PRMT9: variants seen among roughly 807,000 people sequenced by gnomAD.
PRMT9 encodes protein arginine methyltransferase 9.
Under a neutral mutation model 83.2 loss-of-function variants are expected in PRMT9, and 59 were observed. That is an observed-to-expected ratio of 0.71 (90% CI 0.57 to 0.88). The LOEUF is 0.88. PRMT9 is among the 40% of genes least tolerant of loss of function. The pLI, the probability that PRMT9 is intolerant of heterozygous loss-of-function variation, is 0.00. For synonymous variants in PRMT9, 333 were observed against 353.2 expected (o/e 0.94, Z 0.64); for missense variants, 947 against 1,021.9 (o/e 0.93, Z 1.00).
intron 2 of PRMT9, among the ~76,000 whole-genome samples, chr4:147,678,510 T>G (rs1736247843): frequency 6.6e-6 from 1 of 152,246 alleles, no homozygotes; most frequent in Admixed American, 6.5e-5. Context: ...CAGGCCTGAC[T>G]GCCATCCTTT....
intron 9 of PRMT9, among the ~76,000 whole-genome samples, chr4:147,645,996 T>C (rs1733705005): frequency 6.6e-6 from 1 of 152,236 alleles, no homozygotes; most frequent in Non-Finnish European, 1.5e-5. Context: ...TCATTGTTGC[T>C]ATTCCTTTCC....
intron 10 of PRMT9, among the ~76,000 whole-genome samples, chr4:147,641,740 C>G (rs1225886969): frequency 2.6e-5 from 4 of 152,180 alleles, no homozygotes; most frequent in Admixed American, 2.6e-4. Context: ...CAGCTTACCG[C>G]AACCTCCACC....
chr4:147,672,056 G>GT (rs1175110379), intron 4 of PRMT9: 2 of 349,514 alleles, frequency 5.7e-6, no homozygotes, highest in East Asian at 1.6e-4. Context: ...CCAGTCTGTG[G>GT]TATTTCGTTA....
Position 147,676,756 on chromosome 4 carries a change from T to C in PRMT9, c.339-2882A>G, listed in dbSNP as rs1234489727. ...GAACTTTTCATTGAATAAAACTTAA[T>C]ACAACTTGGCTGCACGTCATAGCTC... is the stretch of plus-strand genomic sequence containing the variant. On this transcript the variant is annotated intron_variant, in intron 2 of 11. Coordinates refer to ENST00000322396, the MANE Select transcript of PRMT9 (RefSeq NM_138364.4). Among the ~76,000 whole-genome samples, 4 of 152,174 alleles carry C rather than the reference T, an allele frequency of 2.6e-5. No homozygotes were observed. The East Asian group carries it at 7.7e-4, about 29-fold the overall frequency.
At chr4:147,668,884 A>C (rs1735545308) in intron 5 of PRMT9, among the ~76,000 whole-genome samples, 1 of 152,104 alleles carries the variant, frequency 6.6e-6, no homozygotes, top group Non-Finnish European at 1.5e-5. Context: ...CAGGAGATCA[A>C]GACCATCCTG....
chr4:147,640,554 C>T (rs1329881079), intron 10 of PRMT9, among the ~76,000 whole-genome samples: 1 of 152,078 alleles, frequency 6.6e-6, no homozygotes, highest in Non-Finnish European at 1.5e-5. Flanking sequence ...ATCTTCAGCC[C>T]AGAGCTTTCT....
intron 1 of PRMT9, among the ~76,000 whole-genome samples, chr4:147,681,508 C>T (rs1375229832): frequency 2.0e-5 from 3 of 152,178 alleles, no homozygotes; most frequent in Non-Finnish European, 4.4e-5. Flanking sequence ...AGATTCTGGC[C>T]GGGCACGGTG....
intron 1 of PRMT9, 64 bp downstream of exon 1, chr4:147,683,735 G>GAA: frequency 2.4e-6 from 2 of 837,776 alleles, no homozygotes; most frequent in Non-Finnish European, 3.7e-6. Context: ...TTTTTTTTCT[G>GAA]TTTTTTTTTT....
In PRMT9 at chr4:147,654,452, T is replaced by C; in HGVS notation, c.1445A>G (p.Lys482Arg). 1 of 1,614,030 alleles carries C rather than the reference T, an allele frequency of 6.2e-7. No homozygotes were observed. The highest frequency in any genetic ancestry group is 8.5e-7 in the Non-Finnish European group (1 of 1,179,994). Residue 482 changes from lysine (K) to arginine (R), a missense_variant, in exon 9 of 12, where the codon AAA (lysine) becomes AGA (arginine). Physicochemically the swap from Lys to Arg is conservative, Grantham distance 26. Coordinates refer to ENST00000322396, the MANE Select transcript of PRMT9 (RefSeq NM_138364.4). ...CAAGTCTTTATTCTGGGTAAAACTTTTTGCAACATCCATTTCACATTCCAA... is the reference window on the plus strand; with the variant it reads ...CAAGTCTTTATTCTGGGTAAAACTTCTTGCAACATCCATTTCACATTCCAA... ...LGLECEMDVA[K>R]SFTQNKDLLS...
Position 147,654,521 on chromosome 4 carries a change from C to T in PRMT9, c.1376G>A (p.Cys459Tyr). ...PGDHVMMEVS[C>Y]QDCYLRIQSI... is the part of the protein sequence containing the mutation. ...CTGGATTCTTAAGTAACAGTCTTGA[C>T]AAGATACTTCCATCATCACATGGTC... Residue 459 changes from cysteine (C) to tyrosine (Y), a missense_variant, in exon 9 of 12, where the codon TGT becomes TAT. Coordinates refer to ENST00000322396, the MANE Select transcript of PRMT9 (RefSeq NM_138364.4). The T allele has an allele frequency of 2.5e-6, 4 of 1,613,666 alleles. No individual in the cohort carries two copies. Among genetic ancestry groups the T allele is most frequent in the Non-Finnish European group, 2.5e-6 (3 of 1,179,854 alleles).
rs1392285676 is a variant in PRMT9, at chr4:147,680,404, A to T, written c.257T>A (p.Leu86Ter). 1 of 1,614,052 alleles carries T rather than the reference A, an allele frequency of 6.2e-7. No homozygotes were observed. The highest frequency in any genetic ancestry group is 8.5e-7 in the Non-Finnish European group (1 of 1,179,896). The change falls in exon 2 of 12, where the codon TTA (leucine) becomes TAA (stop). Residue 86 changes from leucine to a stop codon, truncating the protein, a stop_gained. Transcript: ENST00000322396. LOFTEE classifies it high-confidence loss of function. ...ELDALSRIQD[L>*]LGCYEQALEL... Reference sequence around the variant, plus strand: ...CAAGGCCTGCTCATAGCAACCAAGTAAGTCTTGTATCCGACTGAGAGCATC... The same window carrying T: ...CAAGGCCTGCTCATAGCAACCAAGTTAGTCTTGTATCCGACTGAGAGCATC...
chr4:147,663,806 C>T (rs1039142832), intron 6 of PRMT9, among the ~76,000 whole-genome samples: 2 of 152,132 alleles, frequency 1.3e-5, no homozygotes, highest in Admixed American at 6.6e-5. Flanking sequence ...TCCTTCCATA[C>T]CTTTTTTTAA....
At chr4:147,658,002 C>T (rs777893026) in intron 7 of PRMT9, 27 bp from the exon 8 acceptor site, 7 of 1,460,442 alleles carry the variant, frequency 4.8e-6, no homozygotes, top group Admixed American at 1.8e-5. Flanking sequence ...AGGAATGAAA[C>T]GGTTTTATAT....
At chr4:147,652,077 C>A (rs1305405165) in intron 9 of PRMT9, among the ~76,000 whole-genome samples, 1 of 152,154 alleles carries the variant, frequency 6.6e-6, no homozygotes, top group Non-Finnish European at 1.5e-5. Flanking sequence ...TCACCATTCT[C>A]AACAGTCACA....
At chr4:147,654,643 C>G (rs1734363746) in intron 8 of PRMT9, 77 bp from the exon 9 acceptor site, 1 of 877,150 alleles carries the variant, frequency 1.1e-6, no homozygotes, top group African/African-American at 1.6e-5. Flanking sequence ...CTCCATCCTC[C>G]ATCTAGCCCC....
chr4:147,641,120 T>A (rs1208327082), intron 10 of PRMT9, among the ~76,000 whole-genome samples: 1 of 152,216 alleles, frequency 6.6e-6, no homozygotes, highest in Non-Finnish European at 1.5e-5. Context: ...AATAATTTCA[T>A]GCCTTTGCCT....
chr4:147,683,752 T>TTTA, intron 1 of PRMT9, 47 bp downstream of exon 1: 2 of 1,378,470 alleles, frequency 1.5e-6, no homozygotes, highest in Non-Finnish European at 2.0e-6. Context: ...TTTTTTTTTT[T>TTTA]ACGAGGACGT....
chr4:147,682,245 T>C (rs1736524750), intron 1 of PRMT9, among the ~76,000 whole-genome samples: 1 of 152,120 alleles, frequency 6.6e-6, no homozygotes, highest in Non-Finnish European at 1.5e-5. Context: ...AATGGCGTGA[T>C]CTCGGCTCAC....
At chr4:147,658,058 G>C in intron 7 of PRMT9, 83 bp from the exon 8 acceptor site, 1 of 970,924 alleles carries the variant, frequency 1.0e-6, no homozygotes, top group Admixed American at 2.0e-5. Flanking sequence ...TCCATCTCTG[G>C]AGTTCTTAGT....
Sources: allele counts gnomAD v4.1 joint callset (sites outside exome capture counted in the v4.1 genomes callset), GRCh38; gene constraint gnomAD v4.1.1; transcripts MANE v1.5; gene names NCBI Gene and HGNC (gene_info 2026-07-23, HGNC 2026-07-21).